MCEE: variants seen among roughly 807,000 people sequenced by gnomAD.
The protein encoded by MCEE is methylmalonyl-CoA epimerase, mitochondrial.
In MCEE, 6 loss-of-function variants were observed where a neutral mutation model predicts 12.9. That is an observed-to-expected ratio of 0.47 (90% CI 0.26 to 0.92). The LOEUF is 0.92. Among genes scored for constraint, MCEE ranks in the 40% least tolerant of loss-of-function variants. The probability of loss-of-function intolerance (pLI) is 0.16; values close to 1 mark genes in which losing one functional copy is unlikely to be tolerated. For missense variants in MCEE, 214 were observed against 212.1 expected (o/e 1.01, Z -0.05); for synonymous variants, 78 against 77.9 (o/e 1.00, Z -0.01).
chr2:71,122,717 CAT>C (rs1199906711), intron 2 of MCEE, among the ~76,000 whole-genome samples: 2 of 152,196 alleles, frequency 1.3e-5, no homozygotes, highest in Non-Finnish European at 2.9e-5. Flanking sequence ...CCTCCCACAA[CAT>C]GTGGGAATTC....
chr2:71,126,322 G>A (rs1018629805), intron 1 of MCEE, among the ~76,000 whole-genome samples: 1 of 151,638 alleles, frequency 6.6e-6, no homozygotes, highest in Admixed American at 6.6e-5. Context: ...CCACCTTCCG[G>A]GTTCAAGCGA....
chr2:71,112,431 G>GA (rs1672905220), intron 2 of MCEE, among the ~76,000 whole-genome samples: 1 of 69,752 alleles, frequency 1.4e-5, no homozygotes, highest in Non-Finnish European at 2.6e-5. Context: ...CACTGCACCT[G>GA]CCTTTTTTTT....
At chr2:71,111,580 G>A (rs1672886061) in intron 2 of MCEE, among the ~76,000 whole-genome samples, 1 of 151,964 alleles carries the variant, frequency 6.6e-6, no homozygotes, top group Non-Finnish European at 1.5e-5. Flanking sequence ...CCTTTCAAGG[G>A]GTTCTATTCT....
At chr2:71,111,105 G>A (rs542971958) in intron 2 of MCEE, among the ~76,000 whole-genome samples, 25 of 152,228 alleles carry the variant, frequency 1.6e-4, no homozygotes, top group Admixed American at 9.8e-4. Context: ...GATACTAAAT[G>A]TTACATAAAT....
At chr2:71,124,130 T>C (rs1478511451) in intron 2 of MCEE, 76 bp downstream of exon 2, 1 of 1,121,972 alleles carries the variant, frequency 8.9e-7, no homozygotes, top group Non-Finnish European at 1.3e-6. Context: ...ACAGTGACCA[T>C]AAATAGACTT....
intron 2 of MCEE, among the ~76,000 whole-genome samples, chr2:71,123,829 A>G (rs1427391165): frequency 2.6e-5 from 4 of 152,212 alleles, no homozygotes; most frequent in Non-Finnish European, 5.9e-5. Context: ...TAGCATGTAC[A>G]CTGAAAGCTT....
At chr2:71,115,973 G>C (rs923535600) in intron 2 of MCEE, among the ~76,000 whole-genome samples, 3 of 150,104 alleles carry the variant, frequency 2.0e-5, no homozygotes, top group Admixed American at 2.0e-4. Flanking sequence ...TTTAAAAAAG[G>C]GGGGGGTTAT....
chr2:71,129,393 G>T (rs945774797), intron 1 of MCEE, among the ~76,000 whole-genome samples: 1 of 151,948 alleles, frequency 6.6e-6, no homozygotes, highest in East Asian at 1.9e-4. Context: ...GATTTATCAC[G>T]AATGTCCCGG....
rs561453253 is a variant in MCEE at position 71,117,131 on chromosome 2, A to G, written c.379-7009T>C. Among the ~76,000 whole-genome samples, 20 of 150,830 alleles carry G rather than the reference A, an allele frequency of 1.3e-4. 1 individual carries two copies. Among genetic ancestry groups the G allele is most frequent in the African/African-American group, 4.7e-4 (19 of 40,132 alleles). On this transcript the variant is annotated intron_variant, in intron 2 of 2. Coordinates refer to ENST00000244217, the MANE Select transcript of MCEE (RefSeq NM_032601.4). The stretch of plus-strand genomic sequence containing the variant: ...ATCCTCAAATTGGTATAAATCCATG[A>G]AAGTTAAAGTGAAAAGTCTGGATTA...
At chr2:71,116,658 T>C (rs1392304953) in intron 2 of MCEE, 1 of 149,258 alleles carries the variant, frequency 6.7e-6, no homozygotes, top group Non-Finnish European at 1.5e-5. Context: ...GGAATTCTCC[T>C]GCCTCGGCCT....
chr2:71,110,350 T>C (rs2103770038), intron 2 of MCEE, among the ~76,000 whole-genome samples: 1 of 152,324 alleles, frequency 6.6e-6, no homozygotes, highest in East Asian at 1.9e-4. Flanking sequence ...ATTTTCACCA[T>C]TAGTAAATGT....
At chr2:71,127,506 T>G (rs973064096) in intron 1 of MCEE, among the ~76,000 whole-genome samples, 1 of 152,256 alleles carries the variant, frequency 6.6e-6, no homozygotes, top group Non-Finnish European at 1.5e-5. Context: ...CTCTTAATAG[T>G]TTTTAAACAG....
At position 71,110,074 on chromosome 2, in the gene MCEE, G is replaced by A. The variant is rs138436961; in HGVS notation, c.427C>T (p.Arg143Cys). ...ATTTTGACCTCTTCACTTAGACTGC[G>A]GATCTTCTTTTTTTTCAAATCCATC... is the stretch of plus-strand genomic sequence containing the variant. Reference protein sequence around the residue: ...AVMDLKKKKIRSLSEEVKIGA... With the variant: ...AVMDLKKKKICSLSEEVKIGA... The change falls in exon 3 of 3, where the codon CGC (arginine) becomes TGC (cysteine). Residue 143 changes from arginine to cysteine, a missense_variant. Transcript: ENST00000244217. The A allele has an allele frequency of 5.4e-3, 8,790 of 1,613,082 alleles. 55 individuals carry two copies. The highest frequency in any genetic ancestry group is 5.8e-3 in the Non-Finnish European group (6,852 of 1,179,340).
chr2:71,123,319 T>C (rs937929498), intron 2 of MCEE, among the ~76,000 whole-genome samples: 1 of 151,932 alleles, frequency 6.6e-6, no homozygotes, highest in Non-Finnish European at 1.5e-5. Context: ...TGGTGAAACC[T>C]CATCTCTACT....
Position 71,110,413 on chromosome 2 carries a change from G to A in MCEE, c.379-291C>T, listed in dbSNP as rs552970512. Among the ~76,000 whole-genome samples the A allele has an allele frequency of 1.6e-4, 24 of 152,102 alleles. No individual in the cohort carries two copies. The East Asian group carries it at 4.2e-3, about 27-fold the overall frequency. Reference sequence around the variant, plus strand: ...ATATACTTTATAATAGTTTATTCTGGCAGTACTATTAGTGAGATTGAAGAC... The same window carrying A: ...ATATACTTTATAATAGTTTATTCTGACAGTACTATTAGTGAGATTGAAGAC... On this transcript the variant is annotated intron_variant, in intron 2 of 2. Transcript: ENST00000244217.
intron 2 of MCEE, among the ~76,000 whole-genome samples, chr2:71,111,484 G>T (rs1168514017): frequency 6.6e-6 from 1 of 152,112 alleles, no homozygotes; most frequent in Non-Finnish European, 1.5e-5. Context: ...AAGCCCTTCT[G>T]AGTACTCTTC....
intron 2 of MCEE, among the ~76,000 whole-genome samples, chr2:71,111,183 A>T (rs1003656613): frequency 2.6e-5 from 4 of 152,262 alleles, no homozygotes; most frequent in Admixed American, 2.6e-4. Context: ...TAAACCTCAT[A>T]GATATGTCAA....
intron 1 of MCEE, chr2:71,129,754 A>G: frequency 3.6e-6 from 1 of 279,576 alleles, no homozygotes; most frequent in South Asian, 3.7e-5. Flanking sequence ...TCACGCTTGG[A>G]GTTCGGCCGA....
intron 2 of MCEE, among the ~76,000 whole-genome samples, chr2:71,121,251 C>T (rs1332178577): frequency 6.6e-6 from 1 of 152,186 alleles, no homozygotes; most frequent in Admixed American, 6.5e-5. Flanking sequence ...CCTAGAGCAT[C>T]TCCTTAAAGC....
Sources: allele counts gnomAD v4.1 joint callset (sites outside exome capture counted in the v4.1 genomes callset), GRCh38; gene constraint gnomAD v4.1.1; transcripts MANE v1.5; gene names NCBI Gene and HGNC (gene_info 2026-07-23, HGNC 2026-07-21).